ESRRG: variants seen among roughly 807,000 people sequenced by gnomAD.
ESRRG encodes the protein estrogen related receptor gamma.
ESRRG carries 13 observed loss-of-function variants against 44.0 expected under a neutral mutation model. The ratio of observed to expected loss-of-function variants is 0.30; its 90% CI spans 0.19 to 0.47. ESRRG has a LOEUF of 0.47. ESRRG is among the 20% of genes least tolerant of loss of function. ESRRG has a pLI of 1.00. For synonymous variants in ESRRG, 215 were observed against 214.6 expected (o/e 1.00, Z -0.02); for missense variants, 395 against 580.6 (o/e 0.68, Z 3.29).
intron 5 of ESRRG, among the ~76,000 whole-genome samples, chr1:216,556,309 G>T (rs1314396148): frequency 1.3e-5 from 2 of 151,994 alleles, no homozygotes; most frequent in East Asian, 1.9e-4. Context: ...GAAATTTCAG[G>T]CTTCTAAAAG....
chr1:216,687,506 T>C (rs2078234758), intron 1 of ESRRG, among the ~76,000 whole-genome samples: 1 of 152,180 alleles, frequency 6.6e-6, no homozygotes, highest in Non-Finnish European at 1.5e-5. Flanking sequence ...TTACCATTCC[T>C]TGATATGTCG....
At chr1:217,016,512 TC>T (rs1225761104) in intron 1 of ESRRG, among the ~76,000 whole-genome samples, 3 of 152,176 alleles carry the variant, frequency 2.0e-5, no homozygotes, top group Admixed American at 1.3e-4. Flanking sequence ...TTCTTCTCCT[TC>T]TTTCCTTCAT....
intron 1 of ESRRG, among the ~76,000 whole-genome samples, chr1:217,045,495 A>G (rs2084706560): frequency 6.6e-6 from 1 of 152,216 alleles, no homozygotes; most frequent in African/African-American, 2.4e-5. Flanking sequence ...GAGTAAACCC[A>G]TTAACTACCC....
chr1:216,958,665 A>G (rs779454308), intron 1 of ESRRG, among the ~76,000 whole-genome samples: 17 of 152,276 alleles, frequency 1.1e-4, no homozygotes, highest in Middle Eastern at 3.4e-3. Context: ...GAGCAATCCA[A>G]TAGCATTTCA....
chr1:216,590,872 C>A (rs2057537137), intron 3 of ESRRG, among the ~76,000 whole-genome samples: 1 of 152,098 alleles, frequency 6.6e-6, no homozygotes, highest in South Asian at 2.1e-4. Context: ...AAAGCTTACA[C>A]TTTGTTGGTA....
chr1:216,639,535 A>C (rs2065966672), intron 3 of ESRRG, among the ~76,000 whole-genome samples: 1 of 152,150 alleles, frequency 6.6e-6, no homozygotes, highest in African/African-American at 2.4e-5. Flanking sequence ...TTGGTACAGA[A>C]ACCAGGTCTA....
intron 1 of ESRRG, among the ~76,000 whole-genome samples, chr1:217,055,694 T>C (rs370247082): frequency 6.4e-4 from 97 of 152,230 alleles, no homozygotes; most frequent in African/African-American, 2.3e-3. Flanking sequence ...CACAGGGTCA[T>C]TCTAAGGGTA....
intron 3 of ESRRG, among the ~76,000 whole-genome samples, chr1:216,620,484 A>T (rs1261091537): frequency 6.6e-6 from 1 of 152,184 alleles, no homozygotes; most frequent in Non-Finnish European, 1.5e-5. Context: ...TCTCAAAAAC[A>T]GTTTGGAGAA....
At chr1:216,575,991 T>A (rs2061619737) in intron 3 of ESRRG, among the ~76,000 whole-genome samples, 1 of 152,050 alleles carries the variant, frequency 6.6e-6, no homozygotes, top group Non-Finnish European at 1.5e-5. Flanking sequence ...AAACCAAAAG[T>A]GATAAAAAGA....
intron 1 of ESRRG, among the ~76,000 whole-genome samples, chr1:216,972,318 T>C (rs1365343402): frequency 6.6e-6 from 1 of 152,188 alleles, no homozygotes; most frequent in Non-Finnish European, 1.5e-5. Flanking sequence ...CCTATCTTAG[T>C]AACTCAGGAA....
chr1:216,881,869 T>C (rs2096453618), intron 2 of ESRRG, among the ~76,000 whole-genome samples: 1 of 152,138 alleles, frequency 6.6e-6, no homozygotes, highest in Admixed American at 6.5e-5. Flanking sequence ...CTGACTTTTA[T>C]AGCCCCATAC....
intron 2 of ESRRG, among the ~76,000 whole-genome samples, chr1:216,790,797 T>G (rs2094295543): frequency 6.6e-6 from 1 of 152,242 alleles, no homozygotes; most frequent in African/African-American, 2.4e-5. Flanking sequence ...TCTTTATCCA[T>G]GTTTGGTAGA....
chr1:216,774,165 C>T (rs1018583771), intron 2 of ESRRG, among the ~76,000 whole-genome samples: 3 of 152,112 alleles, frequency 2.0e-5, no homozygotes, highest in Admixed American at 1.3e-4. Context: ...AGCCTCAGTG[C>T]TTCCTTAGAG....
rs577867275 is a variant in ESRRG, at chr1:216,900,999, G to A, written c.-14+38583C>T. Among the ~76,000 whole-genome samples the A allele has an allele frequency of 1.5e-4, 23 of 152,300 alleles. No individual in the cohort carries two copies. In the South Asian group the frequency reaches 4.4e-3, roughly 29 times the overall value. Reference sequence around the variant, plus strand: ...TTGCTAGCTCCCAGCTGTCAAACCAGAGGAAACTAAGGCTAGACTATGAGA... The same window carrying A: ...TTGCTAGCTCCCAGCTGTCAAACCAAAGGAAACTAAGGCTAGACTATGAGA... On this transcript the variant is annotated intron_variant, in intron 2 of 7. Coordinates refer to the ESRRG transcript ENST00000359162.
chr1:216,692,873 T>A (rs1378942305), intron 1 of ESRRG, among the ~76,000 whole-genome samples: 1 of 152,246 alleles, frequency 6.6e-6, no homozygotes, highest in Non-Finnish European at 1.5e-5. Context: ...CTAGGTTATA[T>A]GACATAGCCT....
At chr1:216,627,357 C>T (rs12089054) in intron 3 of ESRRG, among the ~76,000 whole-genome samples, 22,264 of 152,092 alleles carry the variant, frequency 0.15, 1,966 homozygotes, top group African/African-American at 0.25. Context: ...CTGAATTCCC[C>T]TCCTTTTCTT....
intron 2 of ESRRG, among the ~76,000 whole-genome samples, chr1:216,794,746 C>T (rs1576623970): frequency 6.6e-6 from 1 of 152,146 alleles, no homozygotes; most frequent in East Asian, 1.9e-4. Flanking sequence ...AAAGGTTTTG[C>T]TCAGCACAGT....
intron 6 of ESRRG, among the ~76,000 whole-genome samples, chr1:216,517,581 T>C (rs1392430518): frequency 6.6e-6 from 1 of 152,180 alleles, no homozygotes; most frequent in Non-Finnish European, 1.5e-5. Context: ...AGTAAATGTT[T>C]TAAATTAGAA....
chr1:217,124,497 G>A (rs1005154240), intron 1 of ESRRG, among the ~76,000 whole-genome samples: 3 of 152,162 alleles, frequency 2.0e-5, no homozygotes, highest in African/African-American at 7.2e-5. Flanking sequence ...AAACAGTTCT[G>A]AAGAGGCTTC....
Sources: allele counts gnomAD v4.1 joint callset (sites outside exome capture counted in the v4.1 genomes callset), GRCh38; gene constraint gnomAD v4.1.1; transcripts MANE v1.5; gene names NCBI Gene and HGNC (gene_info 2026-07-23, HGNC 2026-07-21).